STAP2: variants seen among roughly 807,000 people sequenced by gnomAD.
The protein encoded by STAP2 is signal-transducing adaptor protein 2.
Under a neutral mutation model 52.7 loss-of-function variants are expected in STAP2, and 58 were observed. The observed-to-expected ratio is 1.10, with a 90% CI of 0.89 to 1.37. The LOEUF (loss-of-function observed/expected upper bound fraction) is 1.37. Among genes scored for constraint, STAP2 ranks in the 40% most tolerant of loss-of-function variants. STAP2 has a pLI of 0.00. For synonymous variants in STAP2, 231 were observed against 210.5 expected, an observed-to-expected ratio of 1.10 and a Z score of -0.84; for missense variants, 522 against 519.4, an observed-to-expected ratio of 1.00 and a Z score of -0.05.
Position 4,328,819 on chromosome 19 carries a change from G to T in STAP2, c.456-10C>A. ...CACCTTCAGGAAGCACCTGTGGCGG[G>T]CCGCGTCACCCACTCGGGACCCCGG... is the stretch of plus-strand genomic sequence containing the variant. On this transcript the variant is annotated splice_polypyrimidine_tract_variant and intron_variant, in intron 5 of 12. Coordinates refer to ENST00000594605, the MANE Select transcript of STAP2 (RefSeq NM_001013841.2). The T allele has an allele frequency of 6.2e-7, 1 of 1,606,994 alleles. No homozygotes were observed. Among genetic ancestry groups the T allele is most frequent in the African/African-American group, 1.3e-5 (1 of 74,884 alleles).
chr19:4,326,851 G>A lies in STAP2; in HGVS notation c.829+91C>T, dbSNP rs1201633139. On this transcript the variant is annotated intron_variant, in intron 9 of 12. Transcript: ENST00000594605. ...TGCAACTTTGGGAACATCAGATGCA[G>A]GAGGTGCAGCCACCAAACTGACTGA... 4.1e-6 allele frequency: 6 copies of A among 1,454,660 alleles called. No individual in the cohort carries two copies. In the East Asian group the frequency reaches 1.5e-4, roughly 36 times the overall value. 90.1% of individuals were successfully genotyped at this position (1,454,660 alleles called of 1,614,324 possible).
chr19:4,327,450 C>T (rs542998520), intron 6 of STAP2, 65 bp from the exon 7 acceptor site: 2 of 1,559,448 alleles, frequency 1.3e-6, no homozygotes, highest in African/African-American at 1.4e-5. Context: ...CAGGGAAGGC[C>T]CCGCCCCAAC....
At chr19:4,329,867 C>T (rs1971859877) in intron 5 of STAP2, 94 bp downstream of exon 5, 1 of 804,144 alleles carries the variant, frequency 1.2e-6, no homozygotes, top group South Asian at 1.7e-5. Context: ...ATCCAAGACC[C>T]AACTCCAGGG....
At chr19:4,333,847 C>G (rs188620178) in intron 2 of STAP2, 31 bp from the exon 3 acceptor site, 1 of 1,613,644 alleles carries the variant, frequency 6.2e-7, no homozygotes, top group African/African-American at 1.3e-5. Context: ...GATCTGGGCA[C>G]CAGTTCCTTG....
chr19:4,331,606 G>A (rs1038643947), intron 4 of STAP2, among the ~76,000 whole-genome samples: 1 of 151,652 alleles, frequency 6.6e-6, no homozygotes, highest in East Asian at 1.9e-4. Flanking sequence ...CTCCAGCCTG[G>A]GCAACAGAGT....
intron 4 of STAP2, among the ~76,000 whole-genome samples, chr19:4,331,140 G>C (rs1971883627): frequency 6.6e-6 from 1 of 152,042 alleles, no homozygotes; most frequent in Non-Finnish European, 1.5e-5. Flanking sequence ...GACCAGCCCG[G>C]GCAACATAGT....
At position 4,324,538 on chromosome 19, in the gene STAP2, G is replaced by T; in HGVS notation, c.1073-9C>A. 1.3e-6 allele frequency: 2 copies of T among 1,561,322 alleles called. 1 individual carries two copies. The highest frequency in any genetic ancestry group is 1.7e-6 in the Non-Finnish European group (2 of 1,151,506). On this transcript the variant is annotated splice_polypyrimidine_tract_variant and intron_variant, in intron 11 of 12. Coordinates refer to ENST00000594605, the MANE Select transcript of STAP2 (RefSeq NM_001013841.2). ...ATTAAAGACTTTGGGCTCTGGAAGA[G>T]AAGACAGATGAGGCCAGGTGTGGTG... is the stretch of plus-strand genomic sequence containing the variant.
At chr19:4,324,363 AAGAC>A (rs1477516531) in intron 12 of STAP2, 88 bp downstream of exon 12, 35 of 1,358,140 alleles carry the variant, frequency 2.6e-5, no homozygotes, top group African/African-American at 2.2e-4. Flanking sequence ...AGAACCTTAA[AAGAC>A]AGGGCGCTTC....
intron 3 of STAP2, among the ~76,000 whole-genome samples, chr19:4,333,212 C>T (rs113817323): frequency 0.011 from 1,671 of 148,602 alleles, 41 homozygotes; most frequent in African/African-American, 0.039. Flanking sequence ...AATAAACCCT[C>T]GGCTGGACAC....
intron 1 of STAP2, among the ~76,000 whole-genome samples, chr19:4,337,985 A>G (rs1972006162): frequency 6.6e-6 from 1 of 152,106 alleles, no homozygotes; most frequent in Admixed American, 6.6e-5. Context: ...GTGCCCCTGC[A>G]CTCTAGCCTG....
intron 5 of STAP2, among the ~76,000 whole-genome samples, chr19:4,329,654 G>A (rs1025527594): frequency 1.3e-5 from 2 of 151,948 alleles, no homozygotes; most frequent in African/African-American, 2.4e-5. Context: ...CCCCGGAGAC[G>A]AAGCATCACC....
intron 1 of STAP2, among the ~76,000 whole-genome samples, chr19:4,336,341 CAG>C (rs1971980250): frequency 1.1e-5 from 1 of 87,170 alleles, no homozygotes; most frequent in Non-Finnish European, 2.0e-5. Context: ...TTTTTTGAGA[CAG>C]AGTCTCACTC....
In STAP2 at chr19:4,327,039, C is replaced by T. The variant is rs780093587; in HGVS notation, c.764-32G>A. 1.1e-5 allele frequency: 18 copies of T among 1,589,990 alleles called. No homozygotes were observed. The Admixed American group carries it at 3.0e-4, about 27-fold the overall frequency. Reference sequence around the variant, plus strand: ...CAGAGAGGGCGGCCTGGAGGAAGCGCGGCGGCCAGGGGCGGCCCGGTCCGT... The same window carrying T: ...CAGAGAGGGCGGCCTGGAGGAAGCGTGGCGGCCAGGGGCGGCCCGGTCCGT... On this transcript the variant is annotated intron_variant, in intron 8 of 12. Coordinates refer to ENST00000594605, the MANE Select transcript of STAP2 (RefSeq NM_001013841.2).
intron 4 of STAP2, 150 bp from the exon 5 acceptor site, chr19:4,330,211 A>G (rs1433223378): frequency 3.1e-6 from 2 of 652,680 alleles, no homozygotes; most frequent in East Asian, 5.5e-5. Flanking sequence ...AGGGTTGCAG[A>G]GGAGTGTTGC....
rs756709979 is a variant in STAP2, at chr19:4,328,690, C to T, written c.575G>A (p.Arg192Gln). 2.5e-5 allele frequency: 40 copies of T among 1,602,900 alleles called. No individual in the cohort carries two copies. Among genetic ancestry groups the T allele is most frequent in the Middle Eastern group, 2.0e-4 (1 of 4,944 alleles). Reference sequence around the variant, plus strand: ...GCATGCGCACCCGTTGTGCATCTGCCGCGTGGTGACCGACACGCCGTCGGC... The same window carrying T: ...GCATGCGCACCCGTTGTGCATCTGCTGCGTGGTGACCGACACGCCGTCGGC... ...DGADGVSVTT[R>Q]QMHNGTHVVR... Residue 192 changes from arginine to glutamine, a missense_variant, in exon 6 of 13, where the codon CGG becomes CAG. Transcript: ENST00000594605.
At chr19:4,330,286 C>T (rs148622868) in intron 4 of STAP2, among the ~76,000 whole-genome samples, 3,134 of 151,714 alleles carry the variant, frequency 0.021, 75 homozygotes, top group African/African-American at 0.06. Context: ...TTTGGGAGGC[C>T]GAGGCGGGCG....
Position 4,337,495 on chromosome 19 carries a change from G to A in STAP2, c.102+1157C>T, listed in dbSNP as rs190760371. ...GATCCACCTGCCTCAGCCTCCCTAA[G>A]TGCTGGGATTACAGGTGTGACCCAC... On this transcript the variant is annotated intron_variant, in intron 1 of 12. Transcript: ENST00000594605. 6.8e-3 allele frequency among the ~76,000 whole-genome samples: 1,008 copies of A among 147,606 alleles called. 18 individuals are homozygous for A. Among genetic ancestry groups the A allele is most frequent in the African/African-American group, 0.024 (960 of 40,104 alleles).
intron 1 of STAP2, among the ~76,000 whole-genome samples, chr19:4,336,270 C>T (rs140970339): frequency 0.043 from 6,424 of 151,060 alleles, 147 homozygotes; most frequent in Middle Eastern, 0.12. Context: ...CGGCCTCGCC[C>T]TCCCAAAGTG....
chr19:4,333,644 G>A (rs893837580), intron 3 of STAP2, 50 bp downstream of exon 3: 5 of 1,565,010 alleles, frequency 3.2e-6, no homozygotes, highest in Non-Finnish European at 4.3e-6. Context: ...GAGCATTTGA[G>A]CATCTTCTGC....
Sources: gnomAD v4.1 joint callset for allele counts (sites outside exome capture counted in the v4.1 genomes callset) on GRCh38, gnomAD v4.1.1 for gene constraint, MANE v1.5 for transcripts, NCBI Gene and HGNC (gene_info 2026-07-23, HGNC 2026-07-21) for gene names.